Variants in ANO10 observed in about 807,000 individuals in gnomAD.
ANO10 encodes the protein anoctamin 10.
Under a neutral mutation model 74.7 loss-of-function variants are expected in ANO10, and 77 were observed. That is an observed-to-expected ratio of 1.03 (90% confidence interval 0.86 to 1.25). The LOEUF is 1.25. Ranked by LOEUF, ANO10 falls within the 50% of genes most tolerant of loss-of-function variation. The pLI, the probability that ANO10 is intolerant of heterozygous loss-of-function variation, is 0.00. For synonymous variants in ANO10, 279 were observed against 284.9 expected, an observed-to-expected ratio of 0.98 and a Z score of 0.21; for missense variants, 721 against 778.1, an observed-to-expected ratio of 0.93 and a Z score of 0.87.
chr3:43,570,369 T>C (rs1304502443), intron 7 of ANO10, among the ~76,000 whole-genome samples: 1 of 151,750 alleles, frequency 6.6e-6, no homozygotes, highest in African/African-American at 2.4e-5. Context: ...AGAGCCCGCA[T>C]CGCCAAGGCA....
chr3:43,661,111 C>T (rs542438764), intron 1 of ANO10, among the ~76,000 whole-genome samples: 1 of 152,174 alleles, frequency 6.6e-6, no homozygotes, highest in South Asian at 2.1e-4. Context: ...GTCAGATTCA[C>T]CAAGGTTGAA....
intron 11 of ANO10, among the ~76,000 whole-genome samples, chr3:43,513,433 A>G (rs900159209): frequency 3.9e-5 from 6 of 152,262 alleles, no homozygotes; most frequent in Non-Finnish European, 7.3e-5. Context: ...CACTAAAACA[A>G]CAAAACAAAA....
chr3:43,668,365 C>G (rs1286967485), intron 1 of ANO10, among the ~76,000 whole-genome samples: 1 of 151,948 alleles, frequency 6.6e-6, no homozygotes, highest in Non-Finnish European at 1.5e-5. Context: ...AATGTTTTCT[C>G]TCACTCTGTG....
At chr3:43,427,957 T>C (rs919880790) in intron 12 of ANO10, among the ~76,000 whole-genome samples, 1 of 152,104 alleles carries the variant, frequency 6.6e-6, no homozygotes, top group Non-Finnish European at 1.5e-5. Flanking sequence ...GGGTGGCCCA[T>C]GTAGCAGTGT....
chr3:43,653,605 T>C (rs1217131688), intron 1 of ANO10, among the ~76,000 whole-genome samples: 2 of 152,244 alleles, frequency 1.3e-5, no homozygotes, highest in Non-Finnish European at 2.9e-5. Flanking sequence ...TTCAAAAGAA[T>C]GTGTACAAGG....
intron 11 of ANO10, among the ~76,000 whole-genome samples, chr3:43,500,741 C>T (rs918619994): frequency 6.6e-6 from 1 of 152,194 alleles, no homozygotes; most frequent in African/African-American, 2.4e-5. Context: ...AGTGCACAAA[C>T]ACAACCATTA....
intron 11 of ANO10, among the ~76,000 whole-genome samples, chr3:43,443,972 G>GCCGGATC (rs1161357369): frequency 6.6e-6 from 1 of 152,086 alleles, no homozygotes; most frequent in Non-Finnish European, 1.5e-5. Context: ...ATGAGTCACT[G>GCCGGATC]CACCCGGATC....
intron 4 of ANO10, among the ~76,000 whole-genome samples, chr3:43,596,151 T>C (rs2082073445): frequency 6.6e-6 from 1 of 152,246 alleles, no homozygotes; most frequent in East Asian, 1.9e-4. Context: ...TGCTCATGGA[T>C]AGGAAGAATC....
At chr3:43,552,706 ATATATATATATATATATATATATGTATG>A (rs1392793660) in intron 10 of ANO10, among the ~76,000 whole-genome samples, 4 of 95,586 alleles carry the variant, frequency 4.2e-5, no homozygotes, top group African/African-American at 1.3e-4. Flanking sequence ...GGATATATAT[ATATATATATATATATATATATATGTATG>A]TATGTATGTA....
intron 1 of ANO10, among the ~76,000 whole-genome samples, chr3:43,619,944 C>G (rs892119003): frequency 6.6e-6 from 1 of 150,894 alleles, no homozygotes; most frequent in Non-Finnish European, 1.5e-5. Flanking sequence ...AAAACTCATA[C>G]ACATTAAAAA....
intron 12 of ANO10, among the ~76,000 whole-genome samples, chr3:43,413,857 C>T (rs2092700483): frequency 6.6e-6 from 1 of 151,738 alleles, no homozygotes; most frequent in Admixed American, 6.6e-5. Flanking sequence ...GCATGTCTCA[C>T]AGGCCCCACC....
At chr3:43,394,045 T>C (rs1282146512) in intron 12 of ANO10, among the ~76,000 whole-genome samples, 1 of 152,164 alleles carries the variant, frequency 6.6e-6, no homozygotes, top group African/African-American at 2.4e-5. Flanking sequence ...ATCATAACTT[T>C]TTTTTTCTGT....
intron 11 of ANO10, among the ~76,000 whole-genome samples, chr3:43,518,210 T>C (rs1455543541): frequency 1.3e-5 from 2 of 152,156 alleles, no homozygotes; most frequent in African/African-American, 4.8e-5. Flanking sequence ...GGACATTTAT[T>C]AGTTACCCAA....
In ANO10 at chr3:43,552,275, T is replaced by C. The variant is rs1310998887; in HGVS notation, c.1669-2427A>G. On this transcript the variant is annotated intron_variant, in intron 10 of 12. Transcript: ENST00000292246. ...AGACAGTGTATCTTGTCTACATAGG[T>C]TGGGTATAGTGGCTCATGCCTGTAA... 2.6e-5 allele frequency among the ~76,000 whole-genome samples: 4 copies of C among 152,186 alleles called. No homozygotes were observed. In the East Asian group the frequency reaches 7.7e-4, roughly 29 times the overall value.
At chr3:43,379,302 A>C (rs947398460) in intron 12 of ANO10, among the ~76,000 whole-genome samples, 1 of 152,246 alleles carries the variant, frequency 6.6e-6, no homozygotes, top group African/African-American at 2.4e-5. Context: ...TATTTAAAGC[A>C]TATGTTTTTT....
chr3:43,609,254 T>C (rs2082701759), intron 1 of ANO10, among the ~76,000 whole-genome samples: 1 of 152,218 alleles, frequency 6.6e-6, no homozygotes, highest in South Asian at 2.1e-4. Context: ...TGTATGTTTT[T>C]TCCTACTAAA....
At chr3:43,484,565 G>C (rs115909435) in intron 11 of ANO10, among the ~76,000 whole-genome samples, 193 of 152,300 alleles carry the variant, frequency 1.3e-3, no homozygotes, top group African/African-American at 4.5e-3. Context: ...GCTGTCATGT[G>C]ATGCTACACC....
At chr3:43,553,664 T>C (rs2149321519) in intron 10 of ANO10, among the ~76,000 whole-genome samples, 1 of 152,052 alleles carries the variant, frequency 6.6e-6, no homozygotes, top group Middle Eastern at 3.4e-3. Flanking sequence ...GCCTCCCAAG[T>C]AGCTGGGATT....
intron 1 of ANO10, among the ~76,000 whole-genome samples, chr3:43,648,673 C>CTTTTTTT (rs57098436): frequency 9.0e-6 from 1 of 111,286 alleles, no homozygotes; most frequent in Non-Finnish European, 1.8e-5. Flanking sequence ...TTTTAGCCCG[C>CTTTTTTT]TTTTTTTTTT....
Sources: allele counts gnomAD v4.1 joint callset (sites outside exome capture counted in the v4.1 genomes callset), GRCh38; gene constraint gnomAD v4.1.1; transcripts MANE v1.5; gene names NCBI Gene and HGNC (gene_info 2026-07-23, HGNC 2026-07-21).